MB21D2: variants seen among roughly 807,000 people sequenced by gnomAD.
The protein encoded by MB21D2 is Mab-21 domain containing 2.
In MB21D2, 9 loss-of-function variants were observed where a neutral mutation model predicts 33.3. The observed-to-expected ratio is 0.27, with a 90% CI of 0.16 to 0.47. The LOEUF (loss-of-function observed/expected upper bound fraction) is 0.47. Ranked by LOEUF, MB21D2 falls within the 20% of genes least tolerant of loss-of-function variation. MB21D2 has a pLI of 0.99. For missense variants in MB21D2, 540 were observed against 624.6 expected, an observed-to-expected ratio of 0.86 and a Z score of 1.44; for synonymous variants, 241 against 236.3, an observed-to-expected ratio of 1.02 and a Z score of -0.18.
At chr3:192,875,162 G>A (rs11920308) in intron 1 of MB21D2, among the ~76,000 whole-genome samples, 93,064 of 152,158 alleles carry the variant, frequency 0.61, 30,360 homozygotes, top group African/African-American at 0.84. Flanking sequence ...CACCATGTTT[G>A]CTGCCTCCAT....
rs550903148 is a variant in MB21D2, at chr3:192,817,285, C to T, written c.212-17635G>A. Among the ~76,000 whole-genome samples, 4 of 152,300 alleles carry T rather than the reference C, an allele frequency of 2.6e-5. No homozygotes were observed. The South Asian group carries it at 8.3e-4, about 32-fold the overall frequency. ...ATGCAGTGCTTTGTAATGCAAGTAA[C>T]TGTGTGTCAAGTAATGTGGGTTGAG... On this transcript the variant is annotated intron_variant, in intron 1 of 1. Coordinates refer to ENST00000392452, the MANE Select transcript of MB21D2 (RefSeq NM_178496.4).
At chr3:192,861,388 C>G (rs1428860591) in intron 1 of MB21D2, among the ~76,000 whole-genome samples, 1 of 152,230 alleles carries the variant, frequency 6.6e-6, no homozygotes, top group African/African-American at 2.4e-5. Flanking sequence ...CTGCATCCTC[C>G]TCAGTTGCCT....
rs5855467 is a variant in MB21D2 at position 192,900,940 on chromosome 3, C to CAA, written c.211+16688_211+16689dup. On this transcript the variant is annotated intron_variant, in intron 1 of 1. Transcript: ENST00000392452. ...TGGGTGACAGAGCGAGACTCTGTCT[C>CAA]AAAAAAAAAAAAGACTTGTTGCACA... Among the ~76,000 whole-genome samples the CAA allele has an allele frequency of 1.4e-3, 192 of 140,662 alleles. 2 individuals carry two copies. The South Asian group carries it at 0.019, about 14-fold the overall frequency. The allele number at this position is 140,662 out of a possible 152,430, so 92.3% of individuals were successfully genotyped here.
intron 1 of MB21D2, among the ~76,000 whole-genome samples, chr3:192,806,115 CTCTT>C (rs1711655101): frequency 6.6e-6 from 1 of 152,210 alleles, no homozygotes; most frequent in African/African-American, 2.4e-5. Flanking sequence ...TGGATTCTAG[CTCTT>C]TCTTGTCCTC....
At chr3:192,828,792 G>A (rs1307099845) in intron 1 of MB21D2, among the ~76,000 whole-genome samples, 1 of 150,294 alleles carries the variant, frequency 6.7e-6, no homozygotes, top group East Asian at 2.0e-4. Context: ...AGGACTACAG[G>A]CGCCCGCCAT....
Position 192,855,842 on chromosome 3 carries a change from G to A in MB21D2, c.212-56192C>T, listed in dbSNP as rs148867641. On this transcript the variant is annotated intron_variant, in intron 1 of 1. Transcript: ENST00000392452. ...AATCCCAGCACTTTGGGAGGCCAAG[G>A]CAGGAGGATCACCTGAGGTCAGGAG... Among the ~76,000 whole-genome samples, 1,080 of 152,318 alleles carry A rather than the reference G, an allele frequency of 7.1e-3. 7 individuals carry two copies. The highest frequency in any genetic ancestry group is 0.025 in the African/African-American group (1,039 of 41,566).
At chr3:192,874,519 T>C (rs1713386920) in intron 1 of MB21D2, among the ~76,000 whole-genome samples, 1 of 152,200 alleles carries the variant, frequency 6.6e-6, no homozygotes, top group Admixed American at 6.5e-5. Context: ...TCCAGCCCTA[T>C]CCCCACCACT....
chr3:192,908,462 G>T (rs1418090847), intron 1 of MB21D2, among the ~76,000 whole-genome samples: 1 of 150,042 alleles, frequency 6.7e-6, no homozygotes, highest in African/African-American at 2.5e-5. Context: ...ACAGTGACGC[G>T]ATCTAGGCTC....
At chr3:192,859,817 C>T (rs1282682305) in intron 1 of MB21D2, among the ~76,000 whole-genome samples, 1 of 152,152 alleles carries the variant, frequency 6.6e-6, no homozygotes, top group Non-Finnish European at 1.5e-5. Flanking sequence ...TTAAACATCC[C>T]ATGTGGAGGA....
intron 1 of MB21D2, among the ~76,000 whole-genome samples, chr3:192,800,388 C>T (rs916579551): frequency 6.6e-5 from 10 of 152,112 alleles, no homozygotes; most frequent in Non-Finnish European, 1.5e-4. Context: ...TCTTGTCTGA[C>T]TTTTTTACTG....
At chr3:192,901,093 A>T (rs964667186) in intron 1 of MB21D2, among the ~76,000 whole-genome samples, 2 of 152,182 alleles carry the variant, frequency 1.3e-5, no homozygotes, top group Non-Finnish European at 2.9e-5. Flanking sequence ...GAACGGCCCG[A>T]GATGGCAGAG....
chr3:192,824,840 AT>A (rs971099908), intron 1 of MB21D2, among the ~76,000 whole-genome samples: 8 of 152,112 alleles, frequency 5.3e-5, no homozygotes, highest in Non-Finnish European at 8.8e-5. Flanking sequence ...TTTTTATGAA[AT>A]TTTTTTTCCT....
At chr3:192,804,885 C>A (rs1370606989) in intron 1 of MB21D2, among the ~76,000 whole-genome samples, 1 of 152,210 alleles carries the variant, frequency 6.6e-6, no homozygotes, top group Non-Finnish European at 1.5e-5. Context: ...GAGATGTGGG[C>A]ATAGCCACCT....
In MB21D2 at chr3:192,800,331, G is replaced by A. The variant is rs145818375; in HGVS notation, c.212-681C>T. Reference sequence around the variant, plus strand: ...TGGCCTCAAGCAATTCTCCTACCTCGGCTTCCCCCAAGTGCTGGGATTACA... The same window carrying A: ...TGGCCTCAAGCAATTCTCCTACCTCAGCTTCCCCCAAGTGCTGGGATTACA... On this transcript the variant is annotated intron_variant, in intron 1 of 1. Transcript: ENST00000392452. Among the ~76,000 whole-genome samples the A allele has an allele frequency of 2.0e-3, 308 of 152,032 alleles. 2 individuals are homozygous for A. The South Asian group carries it at 0.023, about 11-fold the overall frequency.
chr3:192,797,656 T>C lies in MB21D2; in HGVS notation c.*730A>G, dbSNP rs1360360823. Reference sequence around the variant, plus strand: ...ATAATTATAATGGTATGTTCTTTAATAGGATTTAAATAAGGCTTCAAATAA... The same window carrying C: ...ATAATTATAATGGTATGTTCTTTAACAGGATTTAAATAAGGCTTCAAATAA... On this transcript the variant is annotated 3_prime_UTR_variant, in exon 2 of 2. Transcript: ENST00000392452. 1 of 152,654 alleles carries C rather than the reference T, an allele frequency of 6.6e-6. No individual in the cohort carries two copies. The highest frequency in any genetic ancestry group is 1.5e-5 in the Non-Finnish European group (1 of 68,036). The allele number at this position is 152,654 out of a possible 1,614,324, so 9.5% of individuals were successfully genotyped here. A position where few individuals can be genotyped will look rare whatever the true frequency, so the allele number is the denominator to read the frequency against.
intron 1 of MB21D2, among the ~76,000 whole-genome samples, chr3:192,823,167 A>G (rs919448446): frequency 3.9e-5 from 6 of 152,268 alleles, no homozygotes; most frequent in African/African-American, 1.4e-4. Context: ...GTTTATTTAC[A>G]GGTGGTGTTA....
intron 1 of MB21D2, among the ~76,000 whole-genome samples, chr3:192,837,381 G>A (rs1712463683): frequency 6.6e-6 from 1 of 152,082 alleles, no homozygotes; most frequent in Admixed American, 6.5e-5. Context: ...TCGGCTCCTG[G>A]TCACACTCAA....
chr3:192,855,505 T>C (rs1221506581), intron 1 of MB21D2, among the ~76,000 whole-genome samples: 1 of 152,260 alleles, frequency 6.6e-6, no homozygotes, highest in Non-Finnish European at 1.5e-5. Context: ...ATTCACTTTA[T>C]TGCAATATTC....
At chr3:192,840,853 C>G (rs549927111) in intron 1 of MB21D2, among the ~76,000 whole-genome samples, 1 of 152,300 alleles carries the variant, frequency 6.6e-6, no homozygotes, top group South Asian at 2.1e-4. Flanking sequence ...ACAAATACTT[C>G]CCTGCAATCA....
Sources: gnomAD v4.1 joint callset for allele counts (sites outside exome capture counted in the v4.1 genomes callset) on GRCh38, gnomAD v4.1.1 for gene constraint, MANE v1.5 for transcripts, NCBI Gene and HGNC (gene_info 2026-07-23, HGNC 2026-07-21) for gene names.